Variants in FHOD3 observed in about 807,000 individuals in gnomAD.
The protein encoded by FHOD3 is FH1/FH2 domain-containing protein 3.
FHOD3 carries 90 observed loss-of-function variants against 173.0 expected under a neutral mutation model. That is an observed-to-expected ratio of 0.52 (90% CI 0.44 to 0.62). The LOEUF (loss-of-function observed/expected upper bound fraction) is 0.62, where lower values mean the gene tolerates loss of function less well. Ranked by LOEUF, FHOD3 falls within the 20% of genes least tolerant of loss-of-function variation. The pLI, the probability that FHOD3 is intolerant of heterozygous loss-of-function variation, is 0.00. For missense variants in FHOD3, 1,945 were observed against 2,034.7 expected (o/e 0.96, Z 0.85); for synonymous variants, 828 against 823.0 (o/e 1.01, Z -0.10).
At chr18:36,767,374 T>C (rs995128706) in intron 27 of FHOD3, among the ~76,000 whole-genome samples, 2 of 151,952 alleles carry the variant, frequency 1.3e-5, no homozygotes, top group Non-Finnish European at 2.9e-5. Context: ...GGCTGGAGCA[T>C]AGTGGCGTGA....
chr18:36,565,709 T>C (rs906560154), intron 5 of FHOD3, among the ~76,000 whole-genome samples: 1 of 152,232 alleles, frequency 6.6e-6, no homozygotes, highest in African/African-American at 2.4e-5. Flanking sequence ...AAATATCTTA[T>C]TGAATGGCAA....
At chr18:36,519,041 A>T (rs1253974146) in intron 5 of FHOD3, among the ~76,000 whole-genome samples, 1 of 152,132 alleles carries the variant, frequency 6.6e-6, no homozygotes, top group Non-Finnish European at 1.5e-5. Context: ...GTCATGACAC[A>T]TGCTTCCCTG....
intron 1 of FHOD3, among the ~76,000 whole-genome samples, chr18:36,314,415 TAG>T (rs1311690500): frequency 6.6e-6 from 1 of 152,136 alleles, no homozygotes; most frequent in Non-Finnish European, 1.5e-5. Flanking sequence ...CTAGAGAAAT[TAG>T]AGTGTGAAAG....
Position 36,720,720 on chromosome 18 carries a change from C to T in FHOD3, c.3417+2005C>T, listed in dbSNP as rs879292692. On this transcript the variant is annotated intron_variant, in intron 19 of 28. Coordinates refer to ENST00000590592, the MANE Select transcript of FHOD3 (RefSeq NM_001281740.3). ...TCCTTCTCCTCCTCCTCCTCCTTCT[C>T]TTCCTCCTTCTTCTTCTCCTCCTCC... is the stretch of plus-strand genomic sequence containing the variant. 3.2e-3 allele frequency among the ~76,000 whole-genome samples: 426 copies of T among 133,390 alleles called. 10 individuals carry two copies. In the East Asian group the frequency reaches 0.077, roughly 24 times the overall value. 87.5% of individuals were successfully genotyped at this position (133,390 alleles called of 152,430 possible).
At chr18:36,333,759 G>T (rs565390774) in intron 1 of FHOD3, among the ~76,000 whole-genome samples, 93 of 152,250 alleles carry the variant, frequency 6.1e-4, no homozygotes, top group African/African-American at 2.2e-3. Flanking sequence ...TGAAACTCTG[G>T]GGGTGGGATC....
intron 20 of FHOD3, among the ~76,000 whole-genome samples, chr18:36,738,409 C>T (rs2041746016): frequency 1.3e-5 from 2 of 152,180 alleles, no homozygotes; most frequent in African/African-American, 4.8e-5. Flanking sequence ...ACAGCTTGTC[C>T]TCTATTCTCT....
chr18:36,562,390 C>T (rs924867071), intron 5 of FHOD3, among the ~76,000 whole-genome samples: 4 of 152,196 alleles, frequency 2.6e-5, no homozygotes, highest in African/African-American at 9.7e-5. Flanking sequence ...TTAAAGTCCT[C>T]TGAGAAGAAA....
intron 1 of FHOD3, among the ~76,000 whole-genome samples, chr18:36,311,504 A>T (rs763250885): frequency 6.6e-6 from 1 of 152,168 alleles, no homozygotes; most frequent in Non-Finnish European, 1.5e-5. Context: ...CACCTCCCTC[A>T]TGGGCTGTTG....
intron 3 of FHOD3, among the ~76,000 whole-genome samples, chr18:36,443,026 CAA>C (rs2051244149): frequency 6.6e-6 from 1 of 152,184 alleles, no homozygotes; most frequent in Admixed American, 6.5e-5. Flanking sequence ...ACATTTTTGA[CAA>C]AATGCCACAG....
At chr18:36,547,695 G>A (rs904436600) in intron 5 of FHOD3, among the ~76,000 whole-genome samples, 4 of 152,162 alleles carry the variant, frequency 2.6e-5, no homozygotes, top group African/African-American at 7.2e-5. Flanking sequence ...GGGAAGGAAC[G>A]TCGCAGTGTC....
chr18:36,508,057 A>T (rs1599429203), intron 4 of FHOD3, among the ~76,000 whole-genome samples: 1 of 151,900 alleles, frequency 6.6e-6, no homozygotes, highest in Non-Finnish European at 1.5e-5. Flanking sequence ...ACCACCAAAA[A>T]CTCCACAACC....
intron 14 of FHOD3, among the ~76,000 whole-genome samples, chr18:36,680,680 A>T (rs1460102293): frequency 6.6e-6 from 1 of 152,208 alleles, no homozygotes; most frequent in Non-Finnish European, 1.5e-5. Context: ...CTCTTGTGTG[A>T]TGTTACTAAT....
chr18:36,309,962 A>G (rs1356349473), intron 1 of FHOD3, among the ~76,000 whole-genome samples: 1 of 152,192 alleles, frequency 6.6e-6, no homozygotes, highest in East Asian at 1.9e-4. Flanking sequence ...GAAAATGAAA[A>G]TCAGTTGGTT....
intron 18 of FHOD3, among the ~76,000 whole-genome samples, chr18:36,713,509 A>C (rs1395111224): frequency 6.6e-6 from 1 of 152,246 alleles, no homozygotes; most frequent in Non-Finnish European, 1.5e-5. Context: ...ATTCTGAAAA[A>C]TAATCAAAGG....
At chr18:36,750,566 G>A (rs2042361037) in intron 24 of FHOD3, among the ~76,000 whole-genome samples, 1 of 152,172 alleles carries the variant, frequency 6.6e-6, no homozygotes, top group Non-Finnish European at 1.5e-5. Flanking sequence ...TTGTCAGCCT[G>A]TTCCTATGTC....
intron 1 of FHOD3, among the ~76,000 whole-genome samples, chr18:36,347,377 C>T (rs2045925458): frequency 6.6e-6 from 1 of 152,144 alleles, no homozygotes; most frequent in African/African-American, 2.4e-5. Context: ...GGGAGACATC[C>T]GGCCTTTGTC....
At chr18:36,535,774 T>G (rs1260581882) in intron 5 of FHOD3, among the ~76,000 whole-genome samples, 1 of 152,198 alleles carries the variant, frequency 6.6e-6, no homozygotes, top group Non-Finnish European at 1.5e-5. Flanking sequence ...AATAATTCAA[T>G]AAATTTTTTT....
chr18:36,616,822 TC>T (rs2033246856), intron 9 of FHOD3, among the ~76,000 whole-genome samples: 1 of 152,234 alleles, frequency 6.6e-6, no homozygotes, highest in African/African-American at 2.4e-5. Flanking sequence ...CAGAGATCTT[TC>T]CCAGTTATCT....
In FHOD3 at chr18:36,399,275, G is replaced by A. The variant is rs139991205; in HGVS notation, c.337+26531G>A. 2.5e-3 allele frequency among the ~76,000 whole-genome samples: 383 copies of A among 152,326 alleles called. 5 individuals carry two copies. The highest frequency in any genetic ancestry group is 0.017 in the Admixed American group (256 of 15,304). On this transcript the variant is annotated intron_variant, in intron 3 of 28. Coordinates refer to ENST00000590592, the MANE Select transcript of FHOD3 (RefSeq NM_001281740.3). ...TGTTCGTTTGTCCCAAGGAGGGCAA[G>A]CATCTGGGGCAGGCTATGACTCATT...
Sources: gnomAD v4.1 joint callset for allele counts (sites outside exome capture counted in the v4.1 genomes callset) on GRCh38, gnomAD v4.1.1 for gene constraint, MANE v1.5 for transcripts, NCBI Gene and HGNC (gene_info 2026-07-23, HGNC 2026-07-21) for gene names.